GPHN: variants seen among roughly 807,000 people sequenced by gnomAD.
The protein encoded by GPHN is gephyrin.
A neutral mutation model predicts 95.5 loss-of-function variants in GPHN; 17 were observed. The ratio of observed to expected loss-of-function variants is 0.18; its 90% CI spans 0.12 to 0.27. GPHN has a LOEUF of 0.27. Ranked by LOEUF, GPHN falls within the 10% of genes least tolerant of loss-of-function variation. The pLI is 1.00. For missense variants in GPHN, 660 were observed against 978.1 expected, an observed-to-expected ratio of 0.67 and a Z score of 4.34; for synonymous variants, 320 against 322.5, an observed-to-expected ratio of 0.99 and a Z score of 0.08.
intron 1 of GPHN, among the ~76,000 whole-genome samples, chr14:66,680,342 A>G (rs2066867395): frequency 6.6e-6 from 1 of 152,192 alleles, no homozygotes; most frequent in African/African-American, 2.4e-5. Flanking sequence ...TTTTATCCTC[A>G]CAGTGGTAGG....
the GPHN span, among the ~76,000 whole-genome samples, chr14:67,371,333 C>T: frequency 4.6e-5 from 7 of 150,732 alleles, no homozygotes; most frequent in East Asian, 2.0e-4. Context: ...GGTGGGAGGA[C>T]GGCTTGAGCC....
chr14:66,959,800 T>C (rs1439872168), intron 8 of GPHN, among the ~76,000 whole-genome samples: 3 of 152,122 alleles, frequency 2.0e-5, no homozygotes, highest in Non-Finnish European at 4.4e-5. Flanking sequence ...TTAGGCATTG[T>C]TTCCTCAAAT....
At chr14:67,301,988 A>G in the GPHN span, 1 of 1,595,514 alleles carries the variant, frequency 6.3e-7, no homozygotes. Flanking sequence ...TTACTGGCCC[A>G]CGATAAGGTT....
the GPHN span, among the ~76,000 whole-genome samples, chr14:67,465,553 G>A: frequency 6.6e-6 from 1 of 152,312 alleles, no homozygotes; most frequent in East Asian, 1.9e-4. Context: ...TATATCTTGG[G>A]ATGCCTAAAT....
chr14:67,730,479 TA>T, the GPHN span, among the ~76,000 whole-genome samples: 2 of 152,378 alleles, frequency 1.3e-5, no homozygotes, highest in African/African-American at 4.8e-5. Context: ...ATGTTGCTGC[TA>T]AAAATGTTTT....
chr14:67,665,997 G>A, the GPHN span, among the ~76,000 whole-genome samples: 2 of 152,096 alleles, frequency 1.3e-5, no homozygotes, highest in African/African-American at 2.4e-5. Flanking sequence ...AAATAATACC[G>A]ACAGTCAAAA....
intron 19 of GPHN, 50 bp from the exon 20 acceptor site, chr14:67,165,112 T>A (rs1383869756): frequency 1.7e-6 from 2 of 1,207,120 alleles, no homozygotes; most frequent in Non-Finnish European, 2.5e-6. Flanking sequence ...CTTAATGTAT[T>A]CATCATATTG....
intron 9 of GPHN, among the ~76,000 whole-genome samples, chr14:66,967,995 T>C (rs2069468876): frequency 6.6e-6 from 1 of 152,030 alleles, no homozygotes; most frequent in Admixed American, 6.6e-5. Context: ...AGTATGTGAA[T>C]AGTCTAATTC....
intron 4 of GPHN, among the ~76,000 whole-genome samples, chr14:66,863,642 T>C (rs1354141870): frequency 6.6e-6 from 1 of 152,096 alleles, no homozygotes; most frequent in Admixed American, 6.6e-5. Flanking sequence ...TGGAACAGAA[T>C]AGAGAATCTA....
At chr14:66,508,651 T>C in intron 1 of GPHN, 60 bp downstream of exon 1, 3 of 1,429,442 alleles carry the variant, frequency 2.1e-6, no homozygotes, top group Non-Finnish European at 3.0e-6. Context: ...GCCTTAGGCT[T>C]TTCGCCTGTG....
At chr14:66,690,825 G>T (rs78974417) in intron 2 of GPHN, among the ~76,000 whole-genome samples, 1 of 151,882 alleles carries the variant, frequency 6.6e-6, no homozygotes, top group African/African-American at 2.4e-5. Flanking sequence ...TCACTCCCTC[G>T]GTTTGTGTAA....
the GPHN span, among the ~76,000 whole-genome samples, chr14:67,234,796 C>T: frequency 9.9e-5 from 15 of 151,640 alleles, no homozygotes; most frequent in African/African-American, 3.1e-4. Context: ...GTGATCCACC[C>T]GCCTCAGCCT....
chr14:66,802,227 C>CT (rs903113000), intron 3 of GPHN, among the ~76,000 whole-genome samples: 4 of 152,152 alleles, frequency 2.6e-5, no homozygotes, highest in African/African-American at 7.2e-5. Context: ...GCAGAGGAGC[C>CT]TAACCCCATG....
chr14:66,577,018 A>T (rs1232699423), intron 1 of GPHN, among the ~76,000 whole-genome samples: 2 of 152,128 alleles, frequency 1.3e-5, no homozygotes, highest in African/African-American at 4.8e-5. Context: ...TTGGACATTG[A>T]TGTTATAACT....
the GPHN span, among the ~76,000 whole-genome samples, chr14:67,703,235 A>G: frequency 6.6e-6 from 1 of 152,220 alleles, no homozygotes; most frequent in African/African-American, 2.4e-5. Context: ...GTTAGTTCAC[A>G]TGGCTAAATT....
chr14:66,987,884 C>T (rs1212473917), intron 9 of GPHN, among the ~76,000 whole-genome samples: 1 of 151,962 alleles, frequency 6.6e-6, no homozygotes, highest in African/African-American at 2.4e-5. Flanking sequence ...AAAGGAAAAC[C>T]GAAAAGAGAA....
intron 18 of GPHN, among the ~76,000 whole-genome samples, chr14:67,154,610 T>C (rs1412883897): frequency 1.3e-5 from 2 of 151,816 alleles, no homozygotes; most frequent in Non-Finnish European, 2.9e-5. Context: ...TATATAGATA[T>C]AGATATATAT....
At position 66,924,295 on chromosome 14, in the gene GPHN, A is replaced by T; in HGVS notation, c.828+3A>T. On this transcript the variant is annotated splice_donor_region_variant and intron_variant, in intron 8 of 22. Transcript: ENST00000478722. Reference sequence around the variant, plus strand: ...CCCATCATTCAACAGATGAACGGGTAAGACAAGAGGCTTTTGCATTAATGG... The same window carrying T: ...CCCATCATTCAACAGATGAACGGGTTAGACAAGAGGCTTTTGCATTAATGG... 1 of 1,530,684 alleles carries T rather than the reference A, an allele frequency of 6.5e-7. No individual in the cohort carries two copies. Among genetic ancestry groups the T allele is most frequent in the South Asian group, 1.1e-5 (1 of 89,422 alleles). The allele number at this position is 1,530,684 out of a possible 1,614,324, so 94.8% of individuals were successfully genotyped here. A position where few individuals can be genotyped will look rare whatever the true frequency, so the allele number is the denominator to read the frequency against.
At chr14:67,412,701 G>A in the GPHN span, among the ~76,000 whole-genome samples, 2 of 152,066 alleles carry the variant, frequency 1.3e-5, no homozygotes, top group Non-Finnish European at 2.9e-5. Flanking sequence ...AAATTTAAGG[G>A]GGCACCAAGG....
Sources: allele counts gnomAD v4.1 joint callset (sites outside exome capture counted in the v4.1 genomes callset), GRCh38; gene constraint gnomAD v4.1.1; transcripts MANE v1.5; gene names NCBI Gene and HGNC (gene_info 2026-07-23, HGNC 2026-07-21).